The following CYP11B2 variants were observed in gnomAD, a reference collection of about 807,000 sequenced individuals.
CYP11B2 encodes cytochrome P450 family 11 subfamily B member 2.
Under a neutral mutation model 49.3 loss-of-function variants are expected in CYP11B2, and 38 were observed. That is an observed-to-expected ratio of 0.77 (90% CI 0.59 to 1.01). The LOEUF is 1.01. Ranked by LOEUF, CYP11B2 falls within the 50% of genes least tolerant of loss-of-function variation. CYP11B2 has a pLI of 0.00. For missense variants in CYP11B2, 669 were observed against 655.5 expected (o/e 1.02, Z -0.23); for synonymous variants, 290 against 269.3 (o/e 1.08, Z -0.75).
intron 4 of CYP11B2, 118 bp downstream of exon 4, chr8:142,914,587 G>A (rs1358742831): frequency 2.9e-6 from 4 of 1,371,786 alleles, no homozygotes; most frequent in East Asian, 4.9e-5. Context: ...CCGGCAGGAA[G>A]GTGAGGAATC....
At position 142,912,121 on chromosome 8, in the gene CYP11B2, GCCTGGTCAGTAGC is replaced by G. The variant is rs773207462; in HGVS notation, c.1399-41_1399-29del. On this transcript the variant is annotated intron_variant, in intron 8 of 8. Transcript: ENST00000323110. ...AGGACAGAGGCTGGGTTTCCATCTG[GCCTGGTCAGTAGC>G]CCATGGACCTGGGGCAGCTTCCTCC... 2.1e-5 allele frequency: 34 copies of G among 1,613,632 alleles called. No individual in the cohort carries two copies. In the South Asian group the frequency reaches 3.6e-4, roughly 17 times the overall value.
rs1408803350 is a variant in CYP11B2 at position 142,912,028 on chromosome 8, T to C, written c.1464A>G (p.Ile488Met). The C allele has an allele frequency of 6.2e-7, 1 of 1,613,986 alleles. No individual in the cohort carries two copies. The highest frequency in any genetic ancestry group is 8.5e-7 in the Non-Finnish European group (1 of 1,179,948). The change falls in exon 9 of 9, where the codon ATA (isoleucine) becomes ATG (methionine). Residue 488 changes from isoleucine to methionine, a missense_variant. Coordinates refer to ENST00000323110, the MANE Select transcript of CYP11B2 (RefSeq NM_000498.3). ...QEDIKMVYSF[I>M]LRPGTSPLLT... ...GGAGGGGGGACGTGCCAGGCCTCAATATGAAGCTGTAGACCATCTTTATGT... is the reference window on the plus strand; with the variant it reads ...GGAGGGGGGACGTGCCAGGCCTCAACATGAAGCTGTAGACCATCTTTATGT...
Position 142,917,670 on chromosome 8 carries a change from C to T in CYP11B2, c.171G>A (p.Arg57=), listed in dbSNP as rs780139313. 1.9e-6 allele frequency: 3 copies of T among 1,614,254 alleles called. No homozygotes were observed. Among genetic ancestry groups the T allele is most frequent in the South Asian group, 2.2e-5 (2 of 91,086 alleles). The change falls in exon 1 of 9, where the codon AGG becomes AGA. Residue 57 remains arginine (R), a synonymous_variant. Coordinates refer to ENST00000323110, the MANE Select transcript of CYP11B2 (RefSeq NM_000498.3). ...NRWLRLLQIW[R]EQGYEHLHLE... Reference sequence around the variant, plus strand: ...GGTGCAGGTGCTCATAACCCTGCTCCCTCCAGATCTGCAGCAGCCTCAGCC... The same window carrying T: ...GGTGCAGGTGCTCATAACCCTGCTCTCTCCAGATCTGCAGCAGCCTCAGCC...
rs758281815 is a variant in CYP11B2 at position 142,914,416 on chromosome 8, C to T, written c.802G>A (p.Asp268Asn). ...EAWDCIFQYG[D>N]NCIQKIYQEL... ...TGGTAGATTTTCTGGATACAGTTGT[C>T]ACCTGTCCAGGGAGCAGGGGACAGC... is the stretch of plus-strand genomic sequence containing the variant. The change falls in exon 5 of 9, where the codon GAC becomes AAC. Residue 268 changes from aspartate (D) to asparagine (N), a missense_variant and splice_region_variant. Asp to Asn is a conservative substitution (Grantham distance 23). Transcript: ENST00000323110. 45 of 1,611,638 alleles carry T rather than the reference C, an allele frequency of 2.8e-5. No homozygotes were observed. In the Admixed American group the frequency reaches 7.4e-4, roughly 26 times the overall value.
chr8:142,911,448 C>A lies in CYP11B2; in HGVS notation c.*532G>T, dbSNP rs3802230. On this transcript the variant is annotated 3_prime_UTR_variant, in exon 9 of 9. Transcript: ENST00000323110. Reference sequence around the variant, plus strand: ...TTAGTCTACCCTGCAGGATCGTATTCCAGGGTGACAACTTTCAGAGAGCTC... The same window carrying A: ...TTAGTCTACCCTGCAGGATCGTATTACAGGGTGACAACTTTCAGAGAGCTC... 104,246 of 169,460 alleles carry A rather than the reference C, an allele frequency of 0.62. 33,690 individuals carry two copies. The highest frequency in any genetic ancestry group is 0.83 in the African/African-American group (34,803 of 42,018). 10.5% of individuals were successfully genotyped at this position (169,460 alleles called of 1,614,324 possible). A position where few individuals can be genotyped will look rare whatever the true frequency, so the allele number is the denominator to read the frequency against.
intron 8 of CYP11B2, 41 bp downstream of exon 8, chr8:142,912,489 T>C (rs1249035305): frequency 5.0e-6 from 8 of 1,595,386 alleles, no homozygotes; most frequent in Middle Eastern, 2.1e-4. Context: ...AGGTCCCGCC[T>C]CTGCTGCCCA....
At chr8:142,913,504 C>G (rs1039078454) in intron 5 of CYP11B2, 53 bp from the exon 6 acceptor site, 1 of 1,610,488 alleles carries the variant, frequency 6.2e-7, no homozygotes, top group Non-Finnish European at 8.5e-7. Context: ...ACTCAGCCCC[C>G]GGGACACCCC....
At chr8:142,914,061 G>C (rs1367324923) in intron 5 of CYP11B2, 3 of 697,740 alleles carry the variant, frequency 4.3e-6, no homozygotes, top group Non-Finnish European at 7.8e-6. Flanking sequence ...TGCAAACTCA[G>C]TCTCATGTGA....
rs201723054 is a variant in CYP11B2 at position 142,911,990 on chromosome 8, G to C, written c.1502C>G (p.Ala501Gly). 1 of 1,613,976 alleles carries C rather than the reference G, an allele frequency of 6.2e-7. No homozygotes were observed. The highest frequency in any genetic ancestry group is 1.3e-5 in the African/African-American group (1 of 75,010). ...PGTSPLLTFR[A>G]IN Reference sequence around the variant, plus strand: ...GGTGCAGATGCAAGACTAGTTAATCGCTCTGAAAGTGAGGAGGGGGGACGT... The same window carrying C: ...GGTGCAGATGCAAGACTAGTTAATCCCTCTGAAAGTGAGGAGGGGGGACGT... Residue 501 changes from alanine to glycine, a missense_variant, in exon 9 of 9, where the codon GCG becomes GGG. Coordinates refer to ENST00000323110, the MANE Select transcript of CYP11B2 (RefSeq NM_000498.3).
chr8:142,914,347 C>T lies in CYP11B2; in HGVS notation c.871G>A (p.Ala291Thr), dbSNP rs1817597372. The change falls in exon 5 of 9, where the codon GCG (alanine) becomes ACG (threonine). Residue 291 changes from alanine (A) to threonine (T), a missense_variant. Ala to Thr is a moderately conservative substitution (Grantham distance 58). Transcript: ENST00000323110. ...NRPQHYTGIV[A>T]ELLLKAELSL... ...AGTTCCGCCTTCAACAGGAGCTCCG[C>T]CACGATGCCTGTGTAGTGTTGAGGG... The T allele has an allele frequency of 1.2e-6, 2 of 1,613,410 alleles. No individual in the cohort carries two copies. Among genetic ancestry groups the T allele is most frequent in the Non-Finnish European group, 1.7e-6 (2 of 1,179,374 alleles).
rs1437688247 is a variant in CYP11B2, at chr8:142,912,107, T to G, written c.1399-14A>C. The G allele has an allele frequency of 6.2e-7, 1 of 1,613,940 alleles. No homozygotes were observed. Among genetic ancestry groups the G allele is most frequent in the Non-Finnish European group, 8.5e-7 (1 of 1,179,892 alleles). On this transcript the variant is annotated splice_polypyrimidine_tract_variant and intron_variant, in intron 8 of 8. Coordinates refer to ENST00000323110, the MANE Select transcript of CYP11B2 (RefSeq NM_000498.3). ...GTGCTTCAGCACCTAGGACAGAGGCTGGGTTTCCATCTGGCCTGGTCAGTA... is the reference window on the plus strand; with the variant it reads ...GTGCTTCAGCACCTAGGACAGAGGCGGGGTTTCCATCTGGCCTGGTCAGTA...
In CYP11B2 at chr8:142,911,839, TG is replaced by T; in HGVS notation, c.*140del. Reference sequence around the variant, plus strand: ...TGGCAAGCCCCAGTCCTGGAGGCCCTGGGGAGTTCCATTTGTGCAGGAGCTG... The same window carrying T: ...TGGCAAGCCCCAGTCCTGGAGGCCCTGGGAGTTCCATTTGTGCAGGAGCTG... On this transcript the variant is annotated 3_prime_UTR_variant, in exon 9 of 9. Transcript: ENST00000323110. The T allele has an allele frequency of 7.6e-7, 1 of 1,323,104 alleles. No homozygotes were observed. Among genetic ancestry groups the T allele is most frequent in the Non-Finnish European group, 1.0e-6 (1 of 956,748 alleles). The allele number at this position is 1,323,104 out of a possible 1,614,324, so 82.0% of individuals were successfully genotyped here. A position where few individuals can be genotyped will look rare whatever the true frequency, so the allele number is the denominator to read the frequency against.
At position 142,915,181 on chromosome 8, in the gene CYP11B2, C is replaced by A. The variant is rs748286965; in HGVS notation, c.460G>T (p.Val154Leu). 1 of 1,614,206 alleles carries A rather than the reference C, an allele frequency of 6.2e-7. No homozygotes were observed. Among genetic ancestry groups the A allele is most frequent in the Admixed American group, 1.7e-5 (1 of 60,026 alleles). ...TCCACCATCGGGAGGAACCTCTGCACGGCCTTGGGCGACAGCACATCTGGG... is the reference window on the plus strand; with the variant it reads ...TCCACCATCGGGAGGAACCTCTGCAAGGCCTTGGGCGACAGCACATCTGGG... ...LNPDVLSPKA[V>L]QRFLPMVDAV... Residue 154 changes from valine (V) to leucine (L), a missense_variant, in exon 3 of 9, where the codon GTG (valine) becomes TTG (leucine). Physicochemically the swap from Val to Leu is conservative, Grantham distance 32. Coordinates refer to ENST00000323110, the MANE Select transcript of CYP11B2 (RefSeq NM_000498.3).
Position 142,913,456 on chromosome 8 carries a change from A to G in CYP11B2, c.955-5T>C, listed in dbSNP as rs751513183. 15 of 1,613,930 alleles carry G rather than the reference A, an allele frequency of 9.3e-6. No individual in the cohort carries two copies. Among genetic ancestry groups the G allele is most frequent in the Non-Finnish European group, 1.3e-5 (15 of 1,180,010 alleles). ...CATCAGCAAGGGAAACGCTGTCTAC[A>G]GAAGCCATGTCTGCAGGGTCAGACC... is the stretch of plus-strand genomic sequence containing the variant. On this transcript the variant is annotated splice_region_variant and splice_polypyrimidine_tract_variant and intron_variant, in intron 5 of 8. Coordinates refer to ENST00000323110, the MANE Select transcript of CYP11B2 (RefSeq NM_000498.3).
In CYP11B2 at chr8:142,912,693, C is replaced by T. The variant is rs780112807; in HGVS notation, c.1235G>A (p.Arg412His). The change falls in exon 8 of 9, where the codon CGC becomes CAC. Residue 412 changes from arginine (R) to histidine (H), a missense_variant. Arg to His is a conservative substitution (Grantham distance 29, BLOSUM62 0). Coordinates refer to ENST00000323110, the MANE Select transcript of CYP11B2 (RefSeq NM_000498.3). The stretch of plus-strand genomic sequence containing the variant: ...AGGCCTCGGGAACAAGGCGGCATTG[C>T]GACCCAGCGAGTAGAGGAAAACCTG... ...LVQVFLYSLG[R>H]NAALFPRPER... 1.1e-5 allele frequency: 18 copies of T among 1,613,898 alleles called. No homozygotes were observed. Among genetic ancestry groups the T allele is most frequent in the African/African-American group, 5.3e-5 (4 of 74,862 alleles).
At position 142,914,312 on chromosome 8, in the gene CYP11B2, T is replaced by A. The variant is rs752054892; in HGVS notation, c.906A>T (p.Glu302Asp). ...GTTCCATAGAGTTGGCCTTGATGGC[T>A]TCTAGTGACAGTTCCGCCTTCAACA... is the stretch of plus-strand genomic sequence containing the variant. The part of the protein sequence containing the change: ...ELLLKAELSL[E>D]AIKANSMELT... The change falls in exon 5 of 9, where the codon GAA becomes GAT. Residue 302 changes from glutamate (E) to aspartate (D), a missense_variant. By Grantham distance (45) the Glu-to-Asp change is conservative. Coordinates refer to ENST00000323110, the MANE Select transcript of CYP11B2 (RefSeq NM_000498.3). The A allele has an allele frequency of 1.9e-6, 3 of 1,614,088 alleles. No individual in the cohort carries two copies. In the East Asian group the frequency reaches 6.7e-5, roughly 36 times the overall value.
At chr8:142,917,377 G>C (rs755768644) in intron 1 of CYP11B2, among the ~76,000 whole-genome samples, 163 bp from the exon 2 acceptor site, 1 of 152,224 alleles carries the variant, frequency 6.6e-6, no homozygotes, top group South Asian at 2.1e-4. Flanking sequence ...TTCAACTTTA[G>C]TGCTTCTGAG....
At chr8:142,914,076 G>A (rs1250265094) in intron 5 of CYP11B2, 188 bp downstream of exon 5, 12 of 718,736 alleles carry the variant, frequency 1.7e-5, no homozygotes, top group South Asian at 1.2e-4. Context: ...ATGTGAGGGG[G>A]AGCTCACATT....
At position 142,912,592 on chromosome 8, in the gene CYP11B2, C is replaced by T. The variant is rs1206627543; in HGVS notation, c.1336G>A (p.Gly446Ser). The change falls in exon 8 of 9, where the codon GGC (glycine) becomes AGC (serine). Residue 446 changes from glycine to serine, a missense_variant. Gly to Ser is a moderately conservative substitution (Grantham distance 56, BLOSUM62 0). Transcript: ENST00000323110. The stretch of plus-strand genomic sequence containing the variant: ...CGCCGCCCGAGGCACTGGCGCATGC[C>T]AAAGCCAAAGGGCACGTGGTGGAAG... ...RNFHHVPFGF[G>S]MRQCLGRRLA... The T allele has an allele frequency of 1.2e-6, 2 of 1,614,182 alleles. No individual in the cohort carries two copies. Among genetic ancestry groups the T allele is most frequent in the Non-Finnish European group, 1.7e-6 (2 of 1,180,044 alleles).
Sources: allele counts gnomAD v4.1 joint callset (sites outside exome capture counted in the v4.1 genomes callset), GRCh38; gene constraint gnomAD v4.1.1; transcripts MANE v1.5; gene names NCBI Gene and HGNC (gene_info 2026-07-23, HGNC 2026-07-21).